The following ZNF431 variants were observed in gnomAD, a reference collection of about 807,000 sequenced individuals.
The protein encoded by ZNF431 is zinc finger protein 431.
ZNF431 carries 34 observed loss-of-function variants against 57.0 expected under a neutral mutation model. The observed-to-expected ratio is 0.60, with a 90% CI of 0.45 to 0.79. The LOEUF (loss-of-function observed/expected upper bound fraction) is 0.79. Among genes scored for constraint, ZNF431 ranks in the 30% least tolerant of loss-of-function variants. ZNF431 has a pLI of 0.00. For synonymous variants in ZNF431, 207 were observed against 220.3 expected (o/e 0.94, Z 0.54); for missense variants, 607 against 667.1 (o/e 0.91, Z 0.99).
At position 21,167,363 on chromosome 19, in the gene ZNF431, T is replaced by A. The variant is rs141463537; in HGVS notation, c.224-208T>A. 1.6e-3 allele frequency among the ~76,000 whole-genome samples: 241 copies of A among 152,218 alleles called. 2 individuals carry two copies. The highest frequency in any genetic ancestry group is 6.8e-3 in the Middle Eastern group (2 of 292). On this transcript the variant is annotated intron_variant, in intron 3 of 4. Coordinates refer to ENST00000311048, the MANE Select transcript of ZNF431 (RefSeq NM_133473.4). ...TAGTAGAGATGGAGTTTCACCATGT[T>A]GGACAGGTTGGTCTCAAACTCCTGA...
intron 4 of ZNF431, among the ~76,000 whole-genome samples, chr19:21,178,045 A>G (rs1195980371): frequency 6.6e-6 from 1 of 152,036 alleles, no homozygotes; most frequent in Non-Finnish European, 1.5e-5. Flanking sequence ...TTCCCTTGTT[A>G]GATTTACTCC....
In ZNF431 at chr19:21,183,264, T is replaced by A. The variant is rs1369466925; in HGVS notation, c.961T>A (p.Cys321Ser). ...TGEKPYKCEECGKAFNQSSTL... is the reference protein window; with the variant it reads ...TGEKPYKCEESGKAFNQSSTL... ...AGAGAAGCCCTACAAATGTGAAGAATGTGGCAAAGCTTTTAACCAGTCTTC... is the reference window on the plus strand; with the variant it reads ...AGAGAAGCCCTACAAATGTGAAGAAAGTGGCAAAGCTTTTAACCAGTCTTC... The change falls in exon 5 of 5, where the codon TGT becomes AGT. Residue 321 changes from cysteine to serine, a missense_variant. Cys to Ser is a moderately radical substitution (Grantham distance 112). Transcript: ENST00000311048. 2.5e-6 allele frequency: 4 copies of A among 1,613,956 alleles called. No individual in the cohort carries two copies. Among genetic ancestry groups the A allele is most frequent in the Non-Finnish European group, 3.4e-6 (4 of 1,179,978 alleles).
At chr19:21,170,739 T>C (rs1230837387) in intron 4 of ZNF431, among the ~76,000 whole-genome samples, 6 of 152,062 alleles carry the variant, frequency 3.9e-5, no homozygotes, top group Non-Finnish European at 7.4e-5. Flanking sequence ...AGTGGCATGA[T>C]CTCAGCTCAC....
chr19:21,178,685 C>T (rs185497049), intron 4 of ZNF431, among the ~76,000 whole-genome samples: 123 of 152,080 alleles, frequency 8.1e-4, no homozygotes, highest in African/African-American at 2.5e-3. Flanking sequence ...GTTGAACCAG[C>T]CTTGCATCCT....
At chr19:21,167,502 GAGC>G in intron 3 of ZNF431, 66 bp from the exon 4 acceptor site, 1 of 1,159,108 alleles carries the variant, frequency 8.6e-7, no homozygotes, top group Non-Finnish European at 1.1e-6. Context: ...CCTTTTTACT[GAGC>G]ACAGTACTAG....
chr19:21,161,153 C>T (rs528235321), intron 2 of ZNF431, among the ~76,000 whole-genome samples: 8 of 137,736 alleles, frequency 5.8e-5, no homozygotes, highest in Non-Finnish European at 1.2e-4. Context: ...GGTGACAGAG[C>T]AAAGTTCCAT....
At chr19:21,144,065 CAT>C (rs1970015261) in intron 2 of ZNF431, among the ~76,000 whole-genome samples, 2 of 152,054 alleles carry the variant, frequency 1.3e-5, no homozygotes, top group South Asian at 4.2e-4. Context: ...TGACTTGAAA[CAT>C]GAGTCAGACA....
At chr19:21,164,248 A>T (rs988857172) in intron 2 of ZNF431, among the ~76,000 whole-genome samples, 13 of 152,116 alleles carry the variant, frequency 8.5e-5, no homozygotes, top group African/African-American at 3.1e-4. Flanking sequence ...ATGAGAGTGA[A>T]GTGCCACCTT....
Position 21,194,473 on chromosome 19 carries a change from CTT to C in ZNF431, c.*10453_*10454del, listed in dbSNP as rs766173181. On this transcript the variant is annotated 3_prime_UTR_variant, in exon 5 of 5. Transcript: ENST00000311048. ...TGTTTTTTTATCAAAATGTCGATTA[CTT>C]TTTTTTTTTTTTTGAGACAGTGTTG... The C allele has an allele frequency of 2.2e-4, 31 of 142,874 alleles. No homozygotes were observed. Among genetic ancestry groups the C allele is most frequent in the Non-Finnish European group, 2.2e-4 (14 of 64,742 alleles). 8.9% of individuals were successfully genotyped at this position (142,874 alleles called of 1,614,324 possible). A position where few individuals can be genotyped will look rare whatever the true frequency, so the allele number is the denominator to read the frequency against.
At chr19:21,153,078 C>A (rs1351099830) in intron 2 of ZNF431, among the ~76,000 whole-genome samples, 1 of 152,162 alleles carries the variant, frequency 6.6e-6, no homozygotes, top group Non-Finnish European at 1.5e-5. Flanking sequence ...TATGCCTCTC[C>A]TTTTTCAACT....
intron 1 of ZNF431, 25 bp downstream of exon 1, chr19:21,142,211 CGA>C (rs1969958880): frequency 6.2e-7 from 1 of 1,613,020 alleles, no homozygotes; most frequent in Non-Finnish European, 8.5e-7. Flanking sequence ...TCGGACATCC[CGA>C]GAGAGGGGAA....
intron 2 of ZNF431, among the ~76,000 whole-genome samples, chr19:21,164,838 C>T (rs1333578474): frequency 2.6e-5 from 4 of 151,890 alleles, no homozygotes; most frequent in South Asian, 2.1e-4. Flanking sequence ...TGGCTGGGCG[C>T]GGTGGCTCAT....
Position 21,166,462 on chromosome 19 carries a change from G to A in ZNF431, c.223+1G>A, listed in dbSNP as rs1194971557. On this transcript the variant is annotated splice_donor_variant, in intron 3 of 4. Transcript: ENST00000311048. LOFTEE classifies it high-confidence loss of function. The stretch of plus-strand genomic sequence containing the variant: ...AACTACAAAAACCTGGTCTTCTTGG[G>A]TGAGAATAACTTTCATACACAATTC... The A allele has an allele frequency of 1.2e-6, 2 of 1,601,802 alleles. No individual in the cohort carries two copies. The highest frequency in any genetic ancestry group is 1.8e-5 in the Admixed American group (1 of 56,424).
chr19:21,157,328 G>GAGTTT (rs1263038942), intron 2 of ZNF431, among the ~76,000 whole-genome samples: 1 of 152,036 alleles, frequency 6.6e-6, no homozygotes, highest in African/African-American at 2.4e-5. Flanking sequence ...AGTAGAGACA[G>GAGTTT]AGTTTTGCCA....
Position 21,183,373 on chromosome 19 carries a change from C to T in ZNF431, c.1070C>T (p.Ser357Leu). Reference sequence around the variant, plus strand: ...TGTGACAAAGCTTTTAATCGATTCTCATACCTTACTAAACATAAGATAATT... The same window carrying T: ...TGTGACAAAGCTTTTAATCGATTCTTATACCTTACTAAACATAAGATAATT... ...EECDKAFNRF[S>L]YLTKHKIIHT... The change falls in exon 5 of 5, where the codon TCA becomes TTA. Residue 357 changes from serine (S) to leucine (L), a missense_variant. Ser to Leu is a moderately radical substitution (Grantham distance 145, BLOSUM62 -2). Coordinates refer to ENST00000311048, the MANE Select transcript of ZNF431 (RefSeq NM_133473.4). The T allele has an allele frequency of 6.2e-7, 1 of 1,613,714 alleles. No individual in the cohort carries two copies. Among genetic ancestry groups the T allele is most frequent in the Non-Finnish European group, 8.5e-7 (1 of 1,179,804 alleles).
At chr19:21,154,213 C>T (rs568674750) in intron 2 of ZNF431, among the ~76,000 whole-genome samples, 12 of 152,278 alleles carry the variant, frequency 7.9e-5, no homozygotes, top group African/African-American at 2.9e-4. Flanking sequence ...TGTTCCCCTT[C>T]CTGTGTCCAT....
Position 21,183,305 on chromosome 19 carries a change from T to A in ZNF431, c.1002T>A (p.His334Gln). ...AFNQSSTLST[H>Q]KFIHAGEKPY... The stretch of plus-strand genomic sequence containing the variant: ...ACCAGTCTTCAACCCTTAGTACACA[T>A]AAGTTCATTCATGCTGGAGAGAAAC... Residue 334 changes from histidine to glutamine, a missense_variant, in exon 5 of 5, where the codon CAT becomes CAA. By Grantham distance (24) the His-to-Gln change is conservative. Transcript: ENST00000311048. 1.2e-6 allele frequency: 2 copies of A among 1,613,738 alleles called. No individual in the cohort carries two copies. Among genetic ancestry groups the A allele is most frequent in the Non-Finnish European group, 1.7e-6 (2 of 1,179,884 alleles).
chr19:21,161,432 A>G (rs1970562531), intron 2 of ZNF431, among the ~76,000 whole-genome samples: 1 of 152,186 alleles, frequency 6.6e-6, no homozygotes, highest in Non-Finnish European at 1.5e-5. Context: ...ATACATATAT[A>G]TCATCTGATA....
In ZNF431 at chr19:21,186,470, A is replaced by C. The variant is rs745533408; in HGVS notation, c.*2436A>C. On this transcript the variant is annotated 3_prime_UTR_variant, in exon 5 of 5. Transcript: ENST00000311048. ...TGTGTGTGTGAGTATGAGTTTGTAC[A>C]TATTTTCAGAAGGAAAGAATGATAC... 1.4e-4 allele frequency: 21 copies of C among 152,332 alleles called. No homozygotes were observed. Among genetic ancestry groups the C allele is most frequent in the South Asian group, 4.1e-4 (2 of 4,830 alleles). 9.4% of individuals were successfully genotyped at this position (152,332 alleles called of 1,614,324 possible).
Sources: allele counts gnomAD v4.1 joint callset (sites outside exome capture counted in the v4.1 genomes callset), GRCh38; gene constraint gnomAD v4.1.1; transcripts MANE v1.5; gene names NCBI Gene and HGNC (gene_info 2026-07-23, HGNC 2026-07-21).